Variants in ESR1 observed in about 807,000 individuals in gnomAD.
ESR1 encodes the protein estrogen receptor.
In ESR1, 12 loss-of-function variants were observed where a neutral mutation model predicts 52.7. The observed-to-expected ratio is 0.23, with a 90% CI of 0.15 to 0.37. The LOEUF is 0.37. Ranked by LOEUF, ESR1 falls within the 10% of genes least tolerant of loss-of-function variation. The pLI is 1.00. For missense variants in ESR1, 584 were observed against 779.7 expected (o/e 0.75, Z 2.99); for synonymous variants, 305 against 316.8 (o/e 0.96, Z 0.39).
At chr6:151,688,924 A>T (rs934739235), upstream of ESR1, among the ~76,000 whole-genome samples, 1 of 152,188 alleles carries the variant, frequency 6.6e-6, no homozygotes. Flanking sequence ...ATTCTCTTGC[A>T]CTCAAGAAAG....
intron 3 of ESR1, among the ~76,000 whole-genome samples, chr6:151,937,613 A>G (rs1464676815): frequency 1.3e-5 from 2 of 152,172 alleles, no homozygotes; most frequent in Admixed American, 6.6e-5. Flanking sequence ...ATGAAAGGAG[A>G]GAAGGAAAGA....
intron 3 of ESR1, among the ~76,000 whole-genome samples, chr6:151,912,617 T>A (rs1426962132): frequency 1.3e-5 from 2 of 152,110 alleles, no homozygotes; most frequent in Non-Finnish European, 2.9e-5. Context: ...GCTCTAATAA[T>A]ACATCCGTAT....
intron 3 of ESR1, among the ~76,000 whole-genome samples, chr6:151,901,951 C>T (rs927418078): frequency 3.3e-5 from 5 of 152,192 alleles, no homozygotes; most frequent in Non-Finnish European, 1.5e-5. Context: ...TCTAGTCCTG[C>T]CTCCTTTCCA....
chr6:152,089,822 G>T (rs968733472), intron 6 of ESR1, among the ~76,000 whole-genome samples: 3 of 152,132 alleles, frequency 2.0e-5, no homozygotes, highest in African/African-American at 7.2e-5. Flanking sequence ...CAAGTGTTCC[G>T]CCTGCCTTGG....
chr6:151,911,530 C>T (rs1476564164), intron 3 of ESR1, among the ~76,000 whole-genome samples: 1 of 152,140 alleles, frequency 6.6e-6, no homozygotes, highest in Non-Finnish European at 1.5e-5. Context: ...CTCCCTGGAA[C>T]ATTCTCTCAA....
chr6:151,830,680 A>C, intron 1 of ESR1, among the ~76,000 whole-genome samples: 1 of 152,240 alleles, frequency 6.6e-6, no homozygotes, highest in East Asian at 1.9e-4. Context: ...TAACTGACAA[A>C]AGATAAAAAG....
At chr6:152,070,701 C>T (rs1387462042) in intron 6 of ESR1, among the ~76,000 whole-genome samples, 1 of 138,866 alleles carries the variant, frequency 7.2e-6, no homozygotes, top group Non-Finnish European at 1.5e-5. Context: ...CGTTGAGTTC[C>T]ATCTTGCCCT....
intron 4 of ESR1, among the ~76,000 whole-genome samples, chr6:151,956,709 T>A (rs536269290): frequency 6.6e-6 from 1 of 151,516 alleles, no homozygotes; most frequent in Non-Finnish European, 1.5e-5. Flanking sequence ...TATCATTTTA[T>A]CATTATTTGA....
chr6:151,717,613 T>A (rs1436432295), intron 2 of ESR1, among the ~76,000 whole-genome samples: 3 of 152,198 alleles, frequency 2.0e-5, no homozygotes, highest in African/African-American at 7.2e-5. Context: ...GGAAAAGGAA[T>A]AAAACTGGAA....
At chr6:151,904,377 G>GC (rs1267151774) in intron 3 of ESR1, among the ~76,000 whole-genome samples, 2 of 152,148 alleles carry the variant, frequency 1.3e-5, no homozygotes, top group African/African-American at 4.8e-5. Flanking sequence ...AGCTGACACT[G>GC]CTATATAGAT....
chr6:151,996,039 G>A (rs892041882), intron 4 of ESR1, among the ~76,000 whole-genome samples: 6 of 152,156 alleles, frequency 3.9e-5, no homozygotes, highest in Admixed American at 2.0e-4. Flanking sequence ...ACTCACAGCT[G>A]CATCACACTG....
At chr6:151,948,344 T>G (rs114360555) in intron 4 of ESR1, among the ~76,000 whole-genome samples, 3,478 of 152,256 alleles carry the variant, frequency 0.023, 150 homozygotes, top group African/African-American at 0.081. Context: ...TGTGCTATAG[T>G]TCTATATATT....
chr6:151,832,319 C>T (rs951938673), intron 1 of ESR1, among the ~76,000 whole-genome samples: 2 of 152,154 alleles, frequency 1.3e-5, no homozygotes, highest in African/African-American at 4.8e-5. Context: ...TCAGGATTTT[C>T]CTCTCCAGAC....
In ESR1 at chr6:151,903,530, A is replaced by T. The variant is rs576940838; in HGVS notation, c.760+22759A>T. On this transcript the variant is annotated intron_variant, in intron 3 of 7. Coordinates refer to ENST00000206249, the MANE Select transcript of ESR1 (RefSeq NM_000125.4). Reference sequence around the variant, plus strand: ...GATCTTGGGCATGCCACAGAACCCCATCTACACTAGGCTTTCATTTTGGAC... The same window carrying T: ...GATCTTGGGCATGCCACAGAACCCCTTCTACACTAGGCTTTCATTTTGGAC... Among the ~76,000 whole-genome samples the T allele has an allele frequency of 7.2e-5, 11 of 152,106 alleles. No homozygotes were observed. The East Asian group carries it at 2.1e-3, about 29-fold the overall frequency.
intron 5 of ESR1, among the ~76,000 whole-genome samples, chr6:152,036,585 G>A (rs745926941): frequency 3.3e-5 from 5 of 152,092 alleles, no homozygotes; most frequent in Admixed American, 6.6e-5. Flanking sequence ...AGGAACCTGC[G>A]TCACTTTCAA....
chr6:152,015,682 G>T (rs1028521158), intron 5 of ESR1, among the ~76,000 whole-genome samples: 3 of 152,114 alleles, frequency 2.0e-5, no homozygotes, highest in African/African-American at 7.2e-5. Flanking sequence ...CTCACTTCCT[G>T]TGCATTGCTA....
chr6:152,020,403 T>C (rs376117813), intron 5 of ESR1, among the ~76,000 whole-genome samples: 3 of 152,166 alleles, frequency 2.0e-5, no homozygotes, highest in Non-Finnish European at 4.4e-5. Context: ...AATGTGTTAG[T>C]ACTGCTTGGA....
At chr6:151,988,345 G>A (rs1273094036) in intron 4 of ESR1, among the ~76,000 whole-genome samples, 4 of 152,002 alleles carry the variant, frequency 2.6e-5, no homozygotes, top group African/African-American at 7.3e-5. Flanking sequence ...AGTAGGATTC[G>A]TGCTCCTATG....
chr6:151,666,937 A>T (rs542898549), intron 1 of ESR1, among the ~76,000 whole-genome samples: 1 of 152,258 alleles, frequency 6.6e-6, no homozygotes, highest in South Asian at 2.1e-4. Context: ...GGCTAGAAGG[A>T]GAAGAAAGGA....
Sources: gnomAD v4.1 joint callset for allele counts (sites outside exome capture counted in the v4.1 genomes callset) on GRCh38, gnomAD v4.1.1 for gene constraint, MANE v1.5 for transcripts, NCBI Gene and HGNC (gene_info 2026-07-23, HGNC 2026-07-21) for gene names.